The following NCS1 variants were observed in gnomAD, a reference collection of about 807,000 sequenced individuals.
NCS1 encodes frequenin homolog.
In NCS1, 6 loss-of-function variants were observed where a neutral mutation model predicts 28.4. The observed-to-expected ratio is 0.21, with a 90% CI of 0.12 to 0.42. The LOEUF is 0.42. Ranked by LOEUF, NCS1 falls within the 10% of genes least tolerant of loss-of-function variation. The pLI is 1.00. For missense variants in NCS1, 131 were observed against 241.4 expected, an observed-to-expected ratio of 0.54 and a Z score of 3.03; for synonymous variants, 86 against 99.3, an observed-to-expected ratio of 0.87 and a Z score of 0.79.
chr9:130,185,795 T>G (rs1329735641), intron 1 of NCS1, among the ~76,000 whole-genome samples: 1 of 152,264 alleles, frequency 6.6e-6, no homozygotes, highest in Non-Finnish European at 1.5e-5. Flanking sequence ...CCTCGGCCAG[T>G]GGCCCCACCA....
intron 7 of NCS1, among the ~76,000 whole-genome samples, chr9:130,231,122 G>A (rs1783001873): frequency 6.6e-6 from 1 of 152,096 alleles, no homozygotes; most frequent in Admixed American, 6.5e-5. Context: ...AGGTCGAGCT[G>A]TGTGGATCAC....
At chr9:130,178,617 G>A (rs542257860) in intron 1 of NCS1, among the ~76,000 whole-genome samples, 2 of 152,238 alleles carry the variant, frequency 1.3e-5, no homozygotes, top group East Asian at 1.9e-4. Context: ...GACATTATTC[G>A]AGATCCGTAG....
At chr9:130,194,087 C>T (rs144351309) in intron 1 of NCS1, 2 of 152,800 alleles carry the variant, frequency 1.3e-5, no homozygotes, top group African/African-American at 4.8e-5. Flanking sequence ...GGCCGTCTGC[C>T]GTCCATGCCT....
rs1054532466 is a variant in NCS1 at position 130,234,339 on chromosome 9, G to C, written c.*1367G>C. 1 of 152,282 alleles carries C rather than the reference G, an allele frequency of 6.6e-6. No individual in the cohort carries two copies. The highest frequency in any genetic ancestry group is 1.5e-5 in the Non-Finnish European group (1 of 68,120). 9.4% of individuals were successfully genotyped at this position (152,282 alleles called of 1,614,324 possible). The stretch of plus-strand genomic sequence containing the variant: ...TATAGTCCCTACACCTGGGGCTGCG[G>C]CCCACATGTCTTCACGGAGGCTTCC... On this transcript the variant is annotated 3_prime_UTR_variant, in exon 8 of 8. Transcript: ENST00000372398. The surrounding 1 kb of genome is among the most constrained non-coding windows in gnomAD (Gnocchi z 6.1).
intron 1 of NCS1, among the ~76,000 whole-genome samples, chr9:130,183,695 CT>C (rs1208342700): frequency 1.7e-4 from 26 of 151,026 alleles, no homozygotes; most frequent in Admixed American, 9.2e-4. Context: ...TCCTTTCTTT[CT>C]TTTTTTCTCT....
At chr9:130,196,503 C>T (rs1476887825) in intron 1 of NCS1, among the ~76,000 whole-genome samples, 2 of 152,198 alleles carry the variant, frequency 1.3e-5, no homozygotes, top group African/African-American at 4.8e-5. Context: ...CTTTGGGAGG[C>T]CGAGGCGGAT....
intron 1 of NCS1, among the ~76,000 whole-genome samples, chr9:130,197,008 G>A (rs1588114280): frequency 6.6e-6 from 1 of 152,290 alleles, no homozygotes; most frequent in Non-Finnish European, 1.5e-5. Flanking sequence ...GAAGTGTCCT[G>A]GTCAGTGGTC....
At position 130,223,596 on chromosome 9, in the gene NCS1, G is replaced by A. The variant is rs571078828; in HGVS notation, c.474+437G>A. The stretch of plus-strand genomic sequence containing the variant: ...TTAACGCATTCACTAAGATGTAGTG[G>A]TGGGTCCAGCAACCCCCGAAATTGC... On this transcript the variant is annotated intron_variant, in intron 6 of 7. Coordinates refer to ENST00000372398, the MANE Select transcript of NCS1 (RefSeq NM_014286.4). 2.1e-4 allele frequency among the ~76,000 whole-genome samples: 32 copies of A among 152,246 alleles called. 1 individual carries two copies. The highest frequency in any genetic ancestry group is 2.1e-3 in the Admixed American group (32 of 15,280).
Position 130,186,829 on chromosome 9 carries a change from C to T in NCS1, c.64+14102C>T. On this transcript the variant is annotated intron_variant, in intron 1 of 7. Transcript: ENST00000372398. This position sits in a 1 kb window ranked among gnomAD's most constrained non-coding sequence, Gnocchi z 4.1. ...TAGAGGGCCTGTGGCCGTGAGGGTG[C>T]TGATGGCGGGAGGGCCCTGATGGCA... Among the ~76,000 whole-genome samples, 1 of 152,204 alleles carries T rather than the reference C, an allele frequency of 6.6e-6. No homozygotes were observed. The highest frequency in any genetic ancestry group is 1.5e-5 in the Non-Finnish European group (1 of 68,034).
At position 130,222,899 on chromosome 9, in the gene NCS1, C is replaced by T. The variant is rs188770499; in HGVS notation, c.396+161C>T. Reference sequence around the variant, plus strand: ...ACATCTCTGCCTGGGCAGGCAGGCACAAGCTGGTAGATAGTGGGGCTGGGG... The same window carrying T: ...ACATCTCTGCCTGGGCAGGCAGGCATAAGCTGGTAGATAGTGGGGCTGGGG... On this transcript the variant is annotated intron_variant, in intron 5 of 7. Coordinates refer to ENST00000372398, the MANE Select transcript of NCS1 (RefSeq NM_014286.4). Among the ~76,000 whole-genome samples the T allele has an allele frequency of 2.2e-3, 326 of 147,874 alleles. 1 individual carries two copies. Among genetic ancestry groups the T allele is most frequent in the Middle Eastern group, 0.011 (3 of 278 alleles).
rs886996454 is a variant in NCS1 at position 130,192,474 on chromosome 9, C to T, written c.65-8484C>T. On this transcript the variant is annotated intron_variant, in intron 1 of 7. Coordinates refer to ENST00000372398, the MANE Select transcript of NCS1 (RefSeq NM_014286.4). The surrounding 1 kb of genome is among the most constrained non-coding windows in gnomAD (Gnocchi z 4.8). ...TGTCGTTGTGGGAAATGAGGCGCTC[C>T]AGACCCTCATTTACTTGTTGCCTGA... is the stretch of plus-strand genomic sequence containing the variant. Among the ~76,000 whole-genome samples the T allele has an allele frequency of 1.3e-5, 2 of 151,994 alleles. No individual in the cohort carries two copies. The highest frequency in any genetic ancestry group is 2.9e-5 in the Non-Finnish European group (2 of 67,984).
At chr9:130,173,620 CG>C (rs1359459453) in intron 1 of NCS1, among the ~76,000 whole-genome samples, 1 of 152,158 alleles carries the variant, frequency 6.6e-6, no homozygotes, top group Non-Finnish European at 1.5e-5. Context: ...GCTTCAGCAT[CG>C]GGGTCTGGAA....
intron 1 of NCS1, among the ~76,000 whole-genome samples, chr9:130,178,356 C>T (rs987121953): frequency 6.6e-6 from 1 of 152,218 alleles, no homozygotes; most frequent in East Asian, 1.9e-4. Context: ...CTTTCTGCCT[C>T]CTTGGGCTCC....
intron 6 of NCS1, among the ~76,000 whole-genome samples, chr9:130,225,362 C>G (rs1554911251): frequency 1.3e-5 from 2 of 152,268 alleles, no homozygotes; most frequent in Non-Finnish European, 2.9e-5. Context: ...ACGTGCTGGC[C>G]TCAGACCCAG....
chr9:130,205,002 A>G (rs1833005664), intron 2 of NCS1, among the ~76,000 whole-genome samples: 1 of 152,052 alleles, frequency 6.6e-6, no homozygotes, highest in African/African-American at 2.4e-5. Flanking sequence ...ACAAAACCCC[A>G]GGCCCCGACA....
rs1470551842 is a variant in NCS1 at position 130,176,170 on chromosome 9, C to T, written c.64+3443C>T. Among the ~76,000 whole-genome samples the T allele has an allele frequency of 7.2e-3, 454 of 62,994 alleles. 6 individuals are homozygous for T. The highest frequency in any genetic ancestry group is 0.039 in the African/African-American group (250 of 6,384). 41.3% of individuals were successfully genotyped at this position (62,994 alleles called of 152,430 possible). On this transcript the variant is annotated intron_variant, in intron 1 of 7. Transcript: ENST00000372398. ...TCTTTCTTTCTTTCTTTCTTTCTTT[C>T]TTTCTTTCTTTCTTTCTTTCTTTCT...
intron 2 of NCS1, among the ~76,000 whole-genome samples, chr9:130,213,263 A>G (rs1833137733): frequency 6.6e-6 from 1 of 151,726 alleles, no homozygotes; most frequent in African/African-American, 2.4e-5. Flanking sequence ...GGAGCACATC[A>G]CTGGTTTTCT....
At chr9:130,198,757 C>A (rs1335389608) in intron 1 of NCS1, among the ~76,000 whole-genome samples, 1 of 152,194 alleles carries the variant, frequency 6.6e-6, no homozygotes, top group Non-Finnish European at 1.5e-5. Flanking sequence ...ACACACAGTG[C>A]CCTGTGGGGC....
chr9:130,183,013 TGGCCC>T (rs1832684019), intron 1 of NCS1, among the ~76,000 whole-genome samples: 1 of 152,212 alleles, frequency 6.6e-6, no homozygotes, highest in Non-Finnish European at 1.5e-5. Flanking sequence ...GTGGGGTGTG[TGGCCC>T]GGGGTGTCCT....
Sources: gnomAD v4.1 joint callset for allele counts (sites outside exome capture counted in the v4.1 genomes callset) on GRCh38, gnomAD v4.1.1 for gene constraint, Gnocchi (gnomAD v3.1) non-coding constraint, MANE v1.5 for transcripts, NCBI Gene and HGNC (gene_info 2026-07-23, HGNC 2026-07-21) for gene names.